The following CEACAM4 variants were observed in gnomAD, a reference collection of about 807,000 sequenced individuals.
CEACAM4 encodes CEA cell adhesion molecule 4, also known as cell adhesion molecule CEACAM4.
CEACAM4 carries 30 observed loss-of-function variants against 28.7 expected under a neutral mutation model. The ratio of observed to expected loss-of-function variants is 1.05; its 90% confidence interval spans 0.78 to 1.42. The LOEUF (loss-of-function observed/expected upper bound fraction) is 1.42, where lower values mean the gene tolerates loss of function less well. Among genes scored for constraint, CEACAM4 ranks in the 40% most tolerant of loss-of-function variants. CEACAM4 has a pLI of 0.00. For synonymous variants in CEACAM4, 143 were observed against 126.5 expected, an observed-to-expected ratio of 1.13 and a Z score of -0.87; for missense variants, 330 against 308.2, an observed-to-expected ratio of 1.07 and a Z score of -0.53.
chr19:41,616,008 C>T (rs782057555), downstream of CEACAM4, among the ~76,000 whole-genome samples: 7 of 152,014 alleles, frequency 4.6e-5, no homozygotes, highest in African/African-American at 9.7e-5. Context: ...TAAAGTGAAG[C>T]GGGGAAGCAG....
chr19:41,624,833 G>A (rs1039919906), intron 2 of CEACAM4, among the ~76,000 whole-genome samples: 2 of 152,192 alleles, frequency 1.3e-5, no homozygotes, highest in Admixed American at 1.3e-4. Flanking sequence ...CTGACATGAA[G>A]CTTGGCACAG....
At chr19:41,616,498 T>C (rs1255197935), downstream of CEACAM4, among the ~76,000 whole-genome samples, 1 of 45,124 alleles carries the variant, frequency 2.2e-5, no homozygotes, top group Non-Finnish European at 4.7e-5. Flanking sequence ...GATAGATAGA[T>C]AGATAGATAG....
intron 2 of CEACAM4, among the ~76,000 whole-genome samples, chr19:41,624,974 G>T (rs1282386296): frequency 2.0e-5 from 3 of 152,166 alleles, no homozygotes; most frequent in Non-Finnish European, 2.9e-5. Context: ...GCCACTGACT[G>T]CCCAAGGGCA....
downstream of CEACAM4, among the ~76,000 whole-genome samples, chr19:41,616,252 G>A (rs568765472): frequency 7.2e-5 from 11 of 152,028 alleles, no homozygotes; most frequent in Middle Eastern, 3.4e-3. Flanking sequence ...GGCTGGTCTC[G>A]AACACCTGTC....
chr19:41,620,541 G>A (rs782524670), intron 4 of CEACAM4, 34 bp downstream of exon 4: 8 of 1,597,136 alleles, frequency 5.0e-6, no homozygotes, highest in South Asian at 1.1e-5. Context: ...GGCAGGCCTA[G>A]GGGCTCCCAC....
chr19:41,619,608 T>TG (rs1313010256), intron 6 of CEACAM4, 62 bp downstream of exon 6: 1 of 1,568,124 alleles, frequency 6.4e-7, no homozygotes, highest in Non-Finnish European at 8.6e-7. Flanking sequence ...CAGGTGCTGG[T>TG]GGGGGCAGAT....
In CEACAM4 at chr19:41,625,678, T is replaced by C. The variant is rs1161959437; in HGVS notation, c.347A>G (p.Asp116Gly). 3 of 1,613,504 alleles carry C rather than the reference T, an allele frequency of 1.9e-6. No individual in the cohort carries two copies. Among genetic ancestry groups the C allele is most frequent in the East Asian group, 4.5e-5 (2 of 44,866 alleles). ...SLLFQNITLE[D>G]AGSYTLRTIN... is the part of the protein sequence containing the mutation. ...GGTTCGTAGGGTGTAGGATCCTGCG[T>C]CCTCCAGGGTGATGTTTTGGAACAG... Residue 116 changes from aspartate (D) to glycine (G), a missense_variant, in exon 2 of 7, where the codon GAC (aspartate) becomes GGC (glycine). By Grantham distance (94) the Asp-to-Gly change is moderately conservative. Coordinates refer to ENST00000221954, the MANE Select transcript of CEACAM4 (RefSeq NM_001817.4).
intron 6 of CEACAM4, 68 bp downstream of exon 6, chr19:41,619,602 T>A: frequency 6.4e-7 from 1 of 1,566,114 alleles, no homozygotes; most frequent in Non-Finnish European, 8.7e-7. Context: ...CTCAGCCAGG[T>A]GCTGGTGGGG....
Position 41,625,603 on chromosome 19 carries a change from T to C in CEACAM4, c.422A>G (p.His141Arg). 1 of 1,567,630 alleles carries C rather than the reference T, an allele frequency of 6.4e-7. No homozygotes were observed. Among genetic ancestry groups the C allele is most frequent in the Non-Finnish European group, 8.7e-7 (1 of 1,155,308 alleles). Residue 141 changes from histidine (H) to arginine (R), a missense_variant and splice_region_variant, in exon 2 of 7, where the codon CAC becomes CGC. Transcript: ENST00000221954. ...AGAGGTATGGGGGAATCACTCACGG[T>C]GTACGTGGAGCTGGCCAGTTGCTTG... is the stretch of plus-strand genomic sequence containing the variant. ...SDQATGQLHV[H>R]QNNVPGLPVG... is the part of the protein sequence containing the mutation.
chr19:41,621,549 G>A (rs1276019648), intron 3 of CEACAM4, 102 bp downstream of exon 3: 7 of 640,792 alleles, frequency 1.1e-5, no homozygotes, highest in South Asian at 1.9e-5. Context: ...GATTCCTTGG[G>A]AGGATGCGGA....
intron 4 of CEACAM4, 137 bp from the exon 5 acceptor site, chr19:41,620,379 G>T: frequency 1.1e-6 from 1 of 922,566 alleles, no homozygotes; most frequent in Non-Finnish European, 1.6e-6. Context: ...AGCAGCTGAG[G>T]TCGAGGAGGT....
intron 6 of CEACAM4, 47 bp downstream of exon 6, chr19:41,619,623 G>A: frequency 6.4e-7 from 1 of 1,574,348 alleles, no homozygotes; most frequent in Non-Finnish European, 8.6e-7. Flanking sequence ...GCAGATCCTG[G>A]GTCCCCTGGA....
At position 41,621,642 on chromosome 19, in the gene CEACAM4, C is replaced by G. The variant is rs373663683; in HGVS notation, c.542+9G>C. 33 of 1,532,512 alleles carry G rather than the reference C, an allele frequency of 2.2e-5. No homozygotes were observed. The African/African-American group carries it at 4.2e-4, about 20-fold the overall frequency. 94.9% of individuals were successfully genotyped at this position (1,532,512 alleles called of 1,614,324 possible). On this transcript the variant is annotated intron_variant, in intron 3 of 6. Coordinates refer to ENST00000221954, the MANE Select transcript of CEACAM4 (RefSeq NM_001817.4). ...GGGGTGGGAGGAGGCTGGGGAAAAGCTGCGGTACCTTCCAGTCCTGGAGAG... is the reference window on the plus strand; with the variant it reads ...GGGGTGGGAGGAGGCTGGGGAAAAGGTGCGGTACCTTCCAGTCCTGGAGAG...
intron 2 of CEACAM4, among the ~76,000 whole-genome samples, chr19:41,622,315 T>A (rs1555801883): frequency 6.6e-6 from 1 of 152,164 alleles, no homozygotes; most frequent in East Asian, 1.9e-4. Context: ...TGACCTCAGA[T>A]GATCTGCCCG....
chr19:41,626,098 GTGTGTGTGTGTGTGTGTGT>G, intron 1 of CEACAM4, 138 bp from the exon 2 acceptor site: 1 of 612,954 alleles, frequency 1.6e-6, no homozygotes, highest in Non-Finnish European at 2.8e-6. Context: ...GTGTGTGTGT[GTGTGTGTGTGTGTGTGTGT>G]GTGTGTGTCC....
At chr19:41,624,120 A>G (rs1392525894) in intron 2 of CEACAM4, among the ~76,000 whole-genome samples, 2 of 152,108 alleles carry the variant, frequency 1.3e-5, no homozygotes, top group Non-Finnish European at 2.9e-5. Flanking sequence ...GAGGTTATAG[A>G]TCATTCCTAC....
intron 2 of CEACAM4, among the ~76,000 whole-genome samples, chr19:41,622,911 T>A (rs1467894819): frequency 1.4e-5 from 2 of 147,558 alleles, no homozygotes; most frequent in Admixed American, 1.3e-4. Context: ...TAGTAGCTGT[T>A]GTTATTCTTT....
At chr19:41,626,214 G>A (rs782794873) in intron 1 of CEACAM4, among the ~76,000 whole-genome samples, 2 of 151,752 alleles carry the variant, frequency 1.3e-5, no homozygotes, top group Non-Finnish European at 1.5e-5. Context: ...GGGTCTGCAC[G>A]GCTCCCTCCC....
At chr19:41,620,013 C>T (rs958185806) in intron 5 of CEACAM4, among the ~76,000 whole-genome samples, 198 bp downstream of exon 5, 1 of 152,036 alleles carries the variant, frequency 6.6e-6, no homozygotes, top group African/African-American at 2.4e-5. Context: ...TAGAGGGTCC[C>T]GGGGAGGGGT....
Sources: allele counts gnomAD v4.1 joint callset (sites outside exome capture counted in the v4.1 genomes callset), GRCh38; gene constraint gnomAD v4.1.1; transcripts MANE v1.5; gene names NCBI Gene and HGNC (gene_info 2026-07-23, HGNC 2026-07-21).